LIG1: variants seen among roughly 807,000 people sequenced by gnomAD.
LIG1 encodes the protein DNA ligase 1.
In LIG1, 70 loss-of-function variants were observed where a neutral mutation model predicts 115.7. The observed-to-expected ratio is 0.60, with a 90% CI of 0.50 to 0.74. The LOEUF (loss-of-function observed/expected upper bound fraction) is 0.74. Among genes scored for constraint, LIG1 ranks in the 30% least tolerant of loss-of-function variants. The pLI, the probability that LIG1 is intolerant of heterozygous loss-of-function variation, is 0.00. For missense variants in LIG1, 1,115 were observed against 1,225.6 expected (o/e 0.91, Z 1.35); for synonymous variants, 487 against 495.3 (o/e 0.98, Z 0.22).
Position 48,143,534 on chromosome 19 carries a change from A to T in LIG1, c.914+9T>A. On this transcript the variant is annotated intron_variant, in intron 11 of 27. Transcript: ENST00000263274. ...CCCGCCCCCCACCCAGGCAGTCCTCATTAGTTACCGAGCAGACACCTCCTC... is the reference window on the plus strand; with the variant it reads ...CCCGCCCCCCACCCAGGCAGTCCTCTTTAGTTACCGAGCAGACACCTCCTC... 1 of 906,756 alleles carries T rather than the reference A, an allele frequency of 1.1e-6. No homozygotes were observed. Among genetic ancestry groups the T allele is most frequent in the Non-Finnish European group, 1.7e-6 (1 of 605,662 alleles). The allele number at this position is 906,756 out of a possible 1,614,324, so 56.2% of individuals were successfully genotyped here.
chr19:48,155,136 C>G (rs781618714), intron 5 of LIG1, among the ~76,000 whole-genome samples: 2 of 152,138 alleles, frequency 1.3e-5, no homozygotes, highest in African/African-American at 4.8e-5. Context: ...ATGCCCTCAG[C>G]CACACTGTGA....
chr19:48,127,414 G>T, intron 20 of LIG1, 66 bp from the exon 21 acceptor site: 1 of 1,409,504 alleles, frequency 7.1e-7, no homozygotes, highest in South Asian at 1.1e-5. Flanking sequence ...GCCTGAGGCC[G>T]ACAGCATTCA....
At chr19:48,167,190 T>C (rs1353894459) in intron 1 of LIG1, among the ~76,000 whole-genome samples, 1 of 151,156 alleles carries the variant, frequency 6.6e-6, no homozygotes, top group Non-Finnish European at 1.5e-5. Context: ...ATATCTTTAA[T>C]ATTTATAATG....
chr19:48,145,146 A>T (rs1182527142), intron 9 of LIG1, among the ~76,000 whole-genome samples: 1 of 151,326 alleles, frequency 6.6e-6, no homozygotes. Flanking sequence ...CGATCCTCCC[A>T]CCTCGACCTC....
chr19:48,161,988 C>T (rs556463919), intron 3 of LIG1, among the ~76,000 whole-genome samples: 9 of 151,984 alleles, frequency 5.9e-5, no homozygotes, highest in African/African-American at 2.2e-4. Flanking sequence ...AGCATCAAGA[C>T]GTGGCCAGTG....
chr19:48,155,200 C>T (rs1438418227), intron 5 of LIG1, among the ~76,000 whole-genome samples: 1 of 152,164 alleles, frequency 6.6e-6, no homozygotes. Context: ...CACCTCACAG[C>T]CCTTCCATGG....
In LIG1 at chr19:48,140,036, G is replaced by A. The variant is rs1599797748; in HGVS notation, c.1022C>T (p.Pro341Leu). The change falls in exon 12 of 28, where the codon CCC becomes CTC. Residue 341 changes from proline (P) to leucine (L), a missense_variant. By Grantham distance (98) the Pro-to-Leu change is moderately conservative. Coordinates refer to ENST00000263274, the MANE Select transcript of LIG1 (RefSeq NM_000234.3). ...LYLSLNHLGP[P>L]QQGLELGVGD... The stretch of plus-strand genomic sequence containing the variant: ...CACGCCAAGCTCCAGGCCCTGCTGG[G>A]GTGGCCCAAGGTGGTTGAGGCTGAG... 1 of 1,614,122 alleles carries A rather than the reference G, an allele frequency of 6.2e-7. No individual in the cohort carries two copies. Among genetic ancestry groups the A allele is most frequent in the Non-Finnish European group, 8.5e-7 (1 of 1,180,044 alleles).
At chr19:48,142,754 G>A (rs534408309) in intron 11 of LIG1, among the ~76,000 whole-genome samples, 3 of 152,084 alleles carry the variant, frequency 2.0e-5, no homozygotes, top group South Asian at 2.1e-4. Context: ...AGTGATTCTC[G>A]TACCTCAGCC....
chr19:48,137,888 G>C lies in LIG1; in HGVS notation c.1088-200C>G. Reference sequence around the variant, plus strand: ...CAGCCACGCTGGCTGTAGGAAGTCAGCAAACATGCACGTGGAGCCAGGAAA... The same window carrying C: ...CAGCCACGCTGGCTGTAGGAAGTCACCAAACATGCACGTGGAGCCAGGAAA... On this transcript the variant is annotated intron_variant, in intron 12 of 27. Coordinates refer to ENST00000263274, the MANE Select transcript of LIG1 (RefSeq NM_000234.3). The surrounding 1 kb of genome is among the most constrained non-coding windows in gnomAD (Gnocchi z 4.3). 1.5e-6 allele frequency: 1 copy of C among 649,204 alleles called. No individual in the cohort carries two copies. Among genetic ancestry groups the C allele is most frequent in the Non-Finnish European group, 2.7e-6 (1 of 366,404 alleles). 40.2% of individuals were successfully genotyped at this position (649,204 alleles called of 1,614,324 possible). A position where few individuals can be genotyped will look rare whatever the true frequency, so the allele number is the denominator to read the frequency against.
chr19:48,168,532 T>G (rs2036595983), intron 1 of LIG1, among the ~76,000 whole-genome samples: 1 of 152,150 alleles, frequency 6.6e-6, no homozygotes, highest in Non-Finnish European at 1.5e-5. Context: ...GCAACCCCAC[T>G]TCTGTGTATT....
intron 18 of LIG1, among the ~76,000 whole-genome samples, chr19:48,131,373 T>C (rs919325256): frequency 1.3e-5 from 2 of 152,202 alleles, no homozygotes; most frequent in Non-Finnish European, 2.9e-5. Context: ...CATTTTCTTC[T>C]TCATTTCCAA....
chr19:48,165,497 A>G, intron 2 of LIG1, 53 bp downstream of exon 2: 1 of 1,324,124 alleles, frequency 7.6e-7, no homozygotes, highest in East Asian at 2.3e-5. Context: ...ATTTAGAGAA[A>G]GAAACAGAGG....
At chr19:48,123,117 G>T in intron 22 of LIG1, 57 bp downstream of exon 22, 1 of 1,613,362 alleles carries the variant, frequency 6.2e-7, no homozygotes, top group South Asian at 1.1e-5. Flanking sequence ...GGACAGGCTG[G>T]GAGGCCGGGG....
At chr19:48,123,404 G>A (rs540584531) in intron 21 of LIG1, 86 bp from the exon 22 acceptor site, 2 of 1,492,732 alleles carry the variant, frequency 1.3e-6, no homozygotes, top group African/African-American at 1.4e-5. Flanking sequence ...AACAGGACAT[G>A]TGCGGGTCAC....
At position 48,161,422 on chromosome 19, in the gene LIG1, C is replaced by T; in HGVS notation, c.193G>A (p.Gly65Ser). The T allele has an allele frequency of 1.2e-6, 2 of 1,614,138 alleles. No homozygotes were observed. Among genetic ancestry groups the T allele is most frequent in the Non-Finnish European group, 1.7e-6 (2 of 1,180,040 alleles). ...RPGRKAARVL[G>S]SEGEEEDEAL... ...TCATCCTCCTCTTCCCCTTCGCTGCCCAGGACCCGGGCCGCCTTCCTCCCT... is the reference window on the plus strand; with the variant it reads ...TCATCCTCCTCTTCCCCTTCGCTGCTCAGGACCCGGGCCGCCTTCCTCCCT... The change falls in exon 4 of 28, where the codon GGC (glycine) becomes AGC (serine). Residue 65 changes from glycine (G) to serine (S), a missense_variant. Gly to Ser is a moderately conservative substitution (Grantham distance 56, BLOSUM62 0). Coordinates refer to ENST00000263274, the MANE Select transcript of LIG1 (RefSeq NM_000234.3).
rs2034454526 is a variant in LIG1 at position 48,137,338 on chromosome 19, G to A, written c.1254+184C>T. ...ATGTGGCAGCCATGGCATTAGGTCT[G>A]CTAGACTCTGAAGAGGAGACTCCCC... On this transcript the variant is annotated intron_variant, in intron 13 of 27. Coordinates refer to ENST00000263274, the MANE Select transcript of LIG1 (RefSeq NM_000234.3). The surrounding 1 kb of genome is among the most constrained non-coding windows in gnomAD (Gnocchi z 4.3). 6.6e-6 allele frequency among the ~76,000 whole-genome samples: 1 copy of A among 152,230 alleles called. No homozygotes were observed. The highest frequency in any genetic ancestry group is 2.4e-5 in the African/African-American group (1 of 41,454).
At chr19:48,163,204 C>T (rs1435078314) in intron 2 of LIG1, among the ~76,000 whole-genome samples, 1 of 146,222 alleles carries the variant, frequency 6.8e-6, no homozygotes, top group African/African-American at 2.5e-5. Flanking sequence ...AGGCATGTGC[C>T]CCCGCGCCCA....
intron 1 of LIG1, chr19:48,169,513 C>T (rs2036656516): frequency 6.6e-6 from 1 of 152,384 alleles, no homozygotes; most frequent in Non-Finnish European, 1.5e-5. Flanking sequence ...AAGCTCCATC[C>T]CTTTATCAAG....
chr19:48,153,467 G>C (rs2035601219), intron 6 of LIG1, among the ~76,000 whole-genome samples: 1 of 151,968 alleles, frequency 6.6e-6, no homozygotes. Context: ...ATGGGAAACT[G>C]TGCCTGAATT....
Sources: gnomAD v4.1 joint callset for allele counts (sites outside exome capture counted in the v4.1 genomes callset) on GRCh38, gnomAD v4.1.1 for gene constraint, Gnocchi (gnomAD v3.1) non-coding constraint, MANE v1.5 for transcripts, NCBI Gene and HGNC (gene_info 2026-07-23, HGNC 2026-07-21) for gene names.